The following APEX2 variants were observed in gnomAD, a reference collection of about 807,000 sequenced individuals.
APEX2 encodes the protein apurinic/apyrimidinic endodeoxyribonuclease 2.
Under a neutral mutation model 16.7 loss-of-function variants are expected in APEX2, and 4 were observed. The ratio of observed to expected loss-of-function variants is 0.24; its 90% CI spans 0.12 to 0.55. The LOEUF is 0.55. Ranked by LOEUF, APEX2 falls within the 20% of genes least tolerant of loss-of-function variation. The probability of loss-of-function intolerance (pLI) is 0.94; values close to 1 mark genes in which losing one functional copy is unlikely to be tolerated. For synonymous variants in APEX2, 181 were observed against 166.9 expected (o/e 1.08, Z -0.65); for missense variants, 357 against 433.6 (o/e 0.82, Z 1.57).
chrX:55,002,133 A>G, intron 2 of APEX2, 118 bp from the exon 3 acceptor site: 1 of 768,011 alleles, frequency 1.3e-6, no homozygotes, highest in Non-Finnish European at 1.8e-6. Flanking sequence ...AGGTTGCCCA[A>G]GAACCACACT....
Position 55,003,100 on chromosome X carries a change from G to A in APEX2, c.561G>A (p.Ala187=), listed in dbSNP as rs369166374. 19 of 1,211,619 alleles carry A rather than the reference G, an allele frequency of 1.6e-5. No individual in the cohort carries two copies. Among genetic ancestry groups the A allele is most frequent in the Non-Finnish European group, 2.0e-5 (18 of 895,290 alleles). ...LLQIRAEALL[A]AGSHVIILGD... ...AAATCCGAGCAGAAGCCCTCCTGGC[G>A]GCAGGCAGGTACTGCAAGCCTGGGC... Residue 187 remains alanine, a synonymous_variant, in exon 4 of 6, where the codon GCG becomes GCA. Transcript: ENST00000374987.
chrX:55,001,202 G>A (rs1271909714), intron 1 of APEX2, among the ~76,000 whole-genome samples: 1 of 107,236 alleles, frequency 9.3e-6, no homozygotes, highest in Non-Finnish European at 1.9e-5. Flanking sequence ...CCTTAGCTCA[G>A]ATTCCCACCA....
chrX:55,001,650 A>G, intron 2 of APEX2, 21 bp downstream of exon 2: 1 of 1,160,810 alleles, frequency 8.6e-7, no homozygotes, highest in Non-Finnish European at 1.2e-6. Context: ...CTTTCTGTGG[A>G]CTTTAAATTA....
chrX:55,001,129 C>T (rs956753196), intron 1 of APEX2, among the ~76,000 whole-genome samples: 2 of 109,302 alleles, frequency 1.8e-5, no homozygotes, highest in African/African-American at 3.4e-5. Context: ...CTCAGAATCC[C>T]CTAATTCCTT....
At position 55,003,835 on chromosome X, in the gene APEX2, C is replaced by T; in HGVS notation, c.606C>T (p.His202=). Residue 202 remains histidine, a synonymous_variant, in exon 5 of 6, where the codon CAC becomes CAT. Coordinates refer to ENST00000374987, the MANE Select transcript of APEX2 (RefSeq NM_014481.4). ...TTCTGGGTGACCTGAATACAGCCCA[C>T]CGCCCCATTGACCACTGGGATGCAG... is the stretch of plus-strand genomic sequence containing the variant. ...VIILGDLNTA[H]RPIDHWDAVN... 8.3e-7 allele frequency: 1 copy of T among 1,211,645 alleles called. No individual in the cohort carries two copies. The highest frequency in any genetic ancestry group is 2.3e-4 in the Middle Eastern group (1 of 4,353).
chrX:55,002,354 C>T lies in APEX2; in HGVS notation c.345C>T (p.Asn115=). ...ATGGGGATGTTGGTTGCTATGGAAA[C>T]ATGGATGAGTTTACCCAAGAGGAAC... ...TQNGDVGCYG[N]MDEFTQEELR... The change falls in exon 3 of 6, where the codon AAC becomes AAT. Residue 115 remains asparagine, a synonymous_variant. Coordinates refer to ENST00000374987, the MANE Select transcript of APEX2 (RefSeq NM_014481.4). 1 of 1,211,533 alleles carries T rather than the reference C, an allele frequency of 8.3e-7. No individual in the cohort carries two copies. The highest frequency in any genetic ancestry group is 1.1e-6 in the Non-Finnish European group (1 of 895,340).
At chrX:55,001,343 G>A (rs771102455) in intron 1 of APEX2, among the ~76,000 whole-genome samples, 1 of 110,631 alleles carries the variant, frequency 9.0e-6, no homozygotes, top group East Asian at 2.9e-4. Flanking sequence ...CCCCCACCAA[G>A]CCTTCTAATT....
At chrX:55,004,848 G>T (rs1261224105) in intron 5 of APEX2, among the ~76,000 whole-genome samples, 1 of 111,519 alleles carries the variant, frequency 9.0e-6, no homozygotes, top group Non-Finnish European at 1.9e-5. Flanking sequence ...CACTACTCCA[G>T]ATCAATGAAC....
chrX:55,008,913 C>T lies in APEX2; in HGVS notation c.*1478C>T. On this transcript the variant is annotated 3_prime_UTR_variant, in exon 6 of 6. Coordinates refer to ENST00000374987, the MANE Select transcript of APEX2 (RefSeq NM_014481.4). ...TCACTGTGTAGTTTTTGGGCATTTC[C>T]TTCCTCTTTCTCATTCTGTTTCCCT... The T allele has an allele frequency of 2.7e-6, 1 of 368,605 alleles. No individual in the cohort carries two copies. The highest frequency in any genetic ancestry group is 4.8e-6 in the Non-Finnish European group (1 of 209,515). The allele number at this position is 368,605 out of a possible 1,213,427, so 30.4% of individuals were successfully genotyped here.
rs201964062 is a variant in APEX2 at position 55,007,052 on chromosome X, A to C, written c.1174A>C (p.Asn392His). 1.1e-4 allele frequency: 129 copies of C among 1,209,518 alleles called. No homozygotes were observed. The highest frequency in any genetic ancestry group is 1.4e-4 in the Non-Finnish European group (128 of 895,023). ...SQVGSSRGQKNLKSYFQPSPS... is the reference protein window; with the variant it reads ...SQVGSSRGQKHLKSYFQPSPS... Reference sequence around the variant, plus strand: ...GGTTGGCTCTAGCAGAGGCCAGAAAAACCTGAAGAGCTACTTTCAGCCCTC... The same window carrying C: ...GGTTGGCTCTAGCAGAGGCCAGAAACACCTGAAGAGCTACTTTCAGCCCTC... The change falls in exon 6 of 6, where the codon AAC becomes CAC. Residue 392 changes from asparagine to histidine, a missense_variant. Asn to His is a moderately conservative substitution (Grantham distance 68). Coordinates refer to ENST00000374987, the MANE Select transcript of APEX2 (RefSeq NM_014481.4).
chrX:55,008,116 C>G lies in APEX2; in HGVS notation c.*681C>G, dbSNP rs1244045573. On this transcript the variant is annotated 3_prime_UTR_variant, in exon 6 of 6. Transcript: ENST00000374987. The stretch of plus-strand genomic sequence containing the variant: ...AGCCCTCAGAGTTGCCAGGCAGGGC[C>G]TGGGACCACACAAGTTTCAGGGACG... 8.9e-6 allele frequency: 1 copy of G among 112,850 alleles called. No individual in the cohort carries two copies. The highest frequency in any genetic ancestry group is 3.2e-5 in the African/African-American group (1 of 31,071). The allele number at this position is 112,850 out of a possible 1,213,427, so 9.3% of individuals were successfully genotyped here.
Position 55,000,418 on chromosome X carries a change from T to G in APEX2, c.-5T>G, listed in dbSNP as rs907928140. ...GCGGGCTGGGAGGTGTTCCAGCCCT[T>G]TAAGATGTTGCGCGTGGTGAGCTGG... On this transcript the variant is annotated 5_prime_UTR_variant, in exon 1 of 6. Coordinates refer to ENST00000374987, the MANE Select transcript of APEX2 (RefSeq NM_014481.4). 1.7e-6 allele frequency: 2 copies of G among 1,181,663 alleles called. No individual in the cohort carries two copies. Among genetic ancestry groups the G allele is most frequent in the Middle Eastern group, 2.4e-4 (1 of 4,238 alleles).
In APEX2 at chrX:55,007,426, G is replaced by A. The variant is rs200234086; in HGVS notation, c.1548G>A (p.Arg516=). The change falls in exon 6 of 6, where the codon AGG becomes AGA. Residue 516 remains arginine (R), a synonymous_variant. Transcript: ENST00000374987. ...GGTGCAACTTCTTCCTCTGGAGCAG[G>A]CCCAGCTGAACCAATGGAGGCCTGG... ...SSRCNFFLWS[R]PS is the part of the protein sequence containing the mutation. The A allele has an allele frequency of 6.9e-6, 8 of 1,159,009 alleles. No individual in the cohort carries two copies. Among genetic ancestry groups the A allele is most frequent in the Non-Finnish European group, 9.2e-6 (8 of 868,109 alleles).
intron 1 of APEX2, 39 bp from the exon 2 acceptor site, chrX:55,001,507 G>C: frequency 9.0e-7 from 1 of 1,107,480 alleles, no homozygotes; most frequent in Non-Finnish European, 1.2e-6. Context: ...TCGGATGCTA[G>C]TTTTACCTCT....
Position 55,001,526 on chromosome X carries a change from C to T in APEX2, c.158-20C>T. ...ATGCTAGTTTTACCTCTGACTTAAT[C>T]TTACATTTTTTTTTTCCAGGGGATG... On this transcript the variant is annotated intron_variant, in intron 1 of 5. Coordinates refer to ENST00000374987, the MANE Select transcript of APEX2 (RefSeq NM_014481.4). The T allele has an allele frequency of 8.6e-7, 1 of 1,168,456 alleles. No homozygotes were observed.
chrX:55,003,478 G>A (rs1935470235), intron 4 of APEX2, among the ~76,000 whole-genome samples: 1 of 112,422 alleles, frequency 8.9e-6, no homozygotes, highest in South Asian at 3.7e-4. Flanking sequence ...ACAGGAAAGT[G>A]AGGGTGGGTT....
In APEX2 at chrX:55,006,692, T is replaced by G. The variant is rs780742079; in HGVS notation, c.814T>G (p.Tyr272Asp). The change falls in exon 6 of 6, where the codon TAT becomes GAT. Residue 272 changes from tyrosine (Y) to aspartate (D), a missense_variant. Tyr to Asp is a radical substitution (Grantham distance 160). Coordinates refer to ENST00000374987, the MANE Select transcript of APEX2 (RefSeq NM_014481.4). Reference sequence around the variant, plus strand: ...AGTCACTGGCGCCCGCCATCTCAACTATGGCTCCCGGCTTGACTATGTGCT... The same window carrying G: ...AGTCACTGGCGCCCGCCATCTCAACGATGGCTCCCGGCTTGACTATGTGCT... ...SAVTGARHLN[Y>D]GSRLDYVLGD... 6.9e-6 allele frequency: 8 copies of G among 1,166,603 alleles called. 1 individual carries two copies. In the Admixed American group the frequency reaches 1.7e-4, roughly 25 times the overall value.
rs1168775041 is a variant in APEX2, at chrX:55,002,318, T to G, written c.309T>G (p.Phe103Leu). The G allele has an allele frequency of 8.3e-7, 1 of 1,209,837 alleles. No individual in the cohort carries two copies. Among genetic ancestry groups the G allele is most frequent in the Non-Finnish European group, 1.1e-6 (1 of 895,009 alleles). The change falls in exon 3 of 6, where the codon TTT becomes TTG. Residue 103 changes from phenylalanine (F) to leucine (L), a missense_variant. Transcript: ENST00000374987. ...CTGAAGAAGGCCTGAGTGGCCTGTT[T>G]GCCACCCAGAATGGGGATGTTGGTT... ...VAAEEGLSGL[F>L]ATQNGDVGCY...
Position 55,002,275 on chromosome X carries a change from A to G in APEX2, c.266A>G (p.Asn89Ser), listed in dbSNP as rs747835151. 1.7e-5 allele frequency: 20 copies of G among 1,202,865 alleles called. No homozygotes were observed. In the African/African-American group the frequency reaches 3.0e-4, roughly 18 times the overall value. The change falls in exon 3 of 6, where the codon AAT becomes AGT. Residue 89 changes from asparagine to serine, a missense_variant. Physicochemically the swap from Asn to Ser is conservative, Grantham distance 46. Coordinates refer to ENST00000374987, the MANE Select transcript of APEX2 (RefSeq NM_014481.4). The part of the protein sequence containing the change: ...YSGVATFCKD[N>S]ATPVAAEEGL... ...GGTGTAGCCACCTTCTGTAAGGACA[A>G]TGCTACCCCAGTGGCTGCTGAAGAA... is the stretch of plus-strand genomic sequence containing the variant.
Sources: gnomAD v4.1 joint callset for allele counts (sites outside exome capture counted in the v4.1 genomes callset) on GRCh38, gnomAD v4.1.1 for gene constraint, MANE v1.5 for transcripts, NCBI Gene and HGNC (gene_info 2026-07-23, HGNC 2026-07-21) for gene names.